USF3: variants seen among roughly 807,000 people sequenced by gnomAD.
USF3 encodes the protein upstream transcription factor family member 3.
In USF3, 29 loss-of-function variants were observed where a neutral mutation model predicts 157.5. That is an observed-to-expected ratio of 0.18 (90% CI 0.14 to 0.25). The LOEUF is 0.25. Among genes scored for constraint, USF3 ranks in the 10% least tolerant of loss-of-function variants. The pLI, the probability that USF3 is intolerant of heterozygous loss-of-function variation, is 1.00. For missense variants in USF3, 2,381 were observed against 2,667.6 expected (o/e 0.89, Z 2.37); for synonymous variants, 893 against 941.4 (o/e 0.95, Z 0.94).
At chr3:113,689,621 C>A (rs969951408) in intron 1 of USF3, among the ~76,000 whole-genome samples, 3 of 152,178 alleles carry the variant, frequency 2.0e-5, no homozygotes, top group Non-Finnish European at 4.4e-5. Flanking sequence ...GAATTTACTG[C>A]CTTTTCTGCC....
At chr3:113,688,122 CTTTTT>C (rs745486036) in intron 1 of USF3, among the ~76,000 whole-genome samples, 1 of 144,174 alleles carries the variant, frequency 6.9e-6, no homozygotes, top group South Asian at 2.2e-4. Context: ...CCCCCACTTT[CTTTTT>C]TTTTTTTTTG....
Position 113,652,108 on chromosome 3 carries a change from A to AGAGTGTGTGTGTGTGTGTGTGTGTGTGT in USF3, c.*2835_*2836insACACACACACACACACACACACACACTC, listed in dbSNP as rs1266464109. 1.4e-5 allele frequency: 2 copies of AGAGTGTGTGTGTGTGTGTGTGTGTGTGT among 141,976 alleles called. No individual in the cohort carries two copies. Among genetic ancestry groups the AGAGTGTGTGTGTGTGTGTGTGTGTGTGT allele is most frequent in the African/African-American group, 2.6e-5 (1 of 38,274 alleles). The allele number at this position is 141,976 out of a possible 1,614,324, so 8.8% of individuals were successfully genotyped here. On this transcript the variant is annotated 3_prime_UTR_variant, in exon 7 of 7. Coordinates refer to ENST00000316407, the MANE Select transcript of USF3 (RefSeq NM_001009899.4). ...TGGAGAGAGAGAGAGAGAGAGAGAG[A>AGAGTGTGTGTGTGTGTGTGTGTGTGTGT]GTGTGTGTGTGTGTGTGTGTGTGTG...
intron 4 of USF3, among the ~76,000 whole-genome samples, chr3:113,672,757 T>C (rs1413753075): frequency 1.3e-5 from 2 of 152,226 alleles, no homozygotes; most frequent in Non-Finnish European, 2.9e-5. Context: ...CCAAGGGTCC[T>C]TTCCTTAGAC....
At chr3:113,669,167 C>T (rs1707083269) in intron 5 of USF3, among the ~76,000 whole-genome samples, 1 of 151,948 alleles carries the variant, frequency 6.6e-6, no homozygotes, top group Non-Finnish European at 1.5e-5. Flanking sequence ...AACTGAATAC[C>T]AATTTAACCA....
chr3:113,670,907 AT>A (rs906014649), intron 4 of USF3, among the ~76,000 whole-genome samples: 4 of 150,124 alleles, frequency 2.7e-5, no homozygotes, highest in African/African-American at 7.4e-5. Flanking sequence ...ATGCCCAACT[AT>A]TTTTTTTTGT....
chr3:113,658,890 A>G lies in USF3; in HGVS notation c.2792T>C (p.Leu931Ser). 3.7e-6 allele frequency: 6 copies of G among 1,614,200 alleles called. No homozygotes were observed. The highest frequency in any genetic ancestry group is 5.1e-6 in the Non-Finnish European group (6 of 1,180,024). Residue 931 changes from leucine to serine, a missense_variant, in exon 7 of 7, where the codon TTA becomes TCA. Around this residue, in one of 6 missense-constraint regions of USF3, gnomAD observed 1,435 missense variants for 1,550.9 expected, o/e 0.93. Transcript: ENST00000316407. ...AGCGCAGGGTTTGGCAGCATCTGAT[A>G]ATGCTAAACTACTTGGTGGTTTATC... is the stretch of plus-strand genomic sequence containing the variant. ...SQDKPPSSLA[L>S]SDAAKPCASA... is the part of the protein sequence containing the mutation.
rs139968796 is a variant in USF3, at chr3:113,687,543, ATCTG to A, written c.-135+8823_-135+8826del. Among the ~76,000 whole-genome samples the A allele has an allele frequency of 4.4e-3, 675 of 152,338 alleles. 4 individuals are homozygous for A. The highest frequency in any genetic ancestry group is 0.015 in the African/African-American group (642 of 41,574). ...CAGATCTACATTTGCCTCTGTATCTATCTGTATTTATATTAAAATAAGCATGAGT... is the reference window on the plus strand; with the variant it reads ...CAGATCTACATTTGCCTCTGTATCTATATTTATATTAAAATAAGCATGAGT... On this transcript the variant is annotated intron_variant, in intron 1 of 6. Coordinates refer to ENST00000316407, the MANE Select transcript of USF3 (RefSeq NM_001009899.4).
chr3:113,691,117 A>G (rs1707672158), intron 1 of USF3, among the ~76,000 whole-genome samples: 1 of 152,226 alleles, frequency 6.6e-6, no homozygotes, highest in Non-Finnish European at 1.5e-5. Context: ...TGAGCCCAGG[A>G]GGCGAAGGTT....
intron 6 of USF3, among the ~76,000 whole-genome samples, chr3:113,662,991 G>A (rs1390104811): frequency 6.6e-6 from 1 of 150,972 alleles, no homozygotes; most frequent in Non-Finnish European, 1.5e-5. Context: ...TACTGAGTGA[G>A]TAAATGAAGC....
chr3:113,690,721 C>A (rs552695427), intron 1 of USF3, among the ~76,000 whole-genome samples: 5 of 152,260 alleles, frequency 3.3e-5, no homozygotes, highest in African/African-American at 9.6e-5. Flanking sequence ...AAGTCCGGTG[C>A]AAGTCTATCC....
In USF3 at chr3:113,652,780, A is replaced by AC. The variant is rs1042159623; in HGVS notation, c.*2163dup. ...AGACCAGCCTGGCCAAGATGGTGAA[A>AC]CCCCGTCTCTACTAAAAATATAAAA... On this transcript the variant is annotated 3_prime_UTR_variant, in exon 7 of 7. Transcript: ENST00000316407. 1.2e-5 allele frequency: 2 copies of AC among 161,370 alleles called. No homozygotes were observed. Among genetic ancestry groups the AC allele is most frequent in the African/African-American group, 4.8e-5 (2 of 41,462 alleles). The allele number at this position is 161,370 out of a possible 1,614,324, so 10.0% of individuals were successfully genotyped here.
At chr3:113,661,540 T>A in intron 6 of USF3, 115 bp from the exon 7 acceptor site, 1 of 577,302 alleles carries the variant, frequency 1.7e-6, no homozygotes, top group East Asian at 3.1e-5. Context: ...TCTAAGTACT[T>A]CAACCGAGAC....
rs1384656515 is a variant in USF3, at chr3:113,652,529, C to A, written c.*2415G>T. ...CCCTAGGAAGCTGCTTAGTTGGCAG[C>A]AGAAAAGAGACAGGACAGTTTGGTA... On this transcript the variant is annotated 3_prime_UTR_variant, in exon 7 of 7. Transcript: ENST00000316407. 6.7e-6 allele frequency: 1 copy of A among 150,120 alleles called. No homozygotes were observed. Among genetic ancestry groups the A allele is most frequent in the Non-Finnish European group, 1.5e-5 (1 of 67,916 alleles). The allele number at this position is 150,120 out of a possible 1,614,324, so 9.3% of individuals were successfully genotyped here.
At chr3:113,672,147 CT>C (rs1208088407) in intron 4 of USF3, among the ~76,000 whole-genome samples, 89 of 133,640 alleles carry the variant, frequency 6.7e-4, no homozygotes, top group Non-Finnish European at 6.9e-4. Flanking sequence ...TTTTTTTTTT[CT>C]TTTTTTTTTT....
intron 1 of USF3, among the ~76,000 whole-genome samples, chr3:113,691,226 A>C (rs1226593750): frequency 6.6e-6 from 1 of 152,166 alleles, no homozygotes; most frequent in Admixed American, 6.5e-5. Flanking sequence ...AACTTTTTCC[A>C]TGTAAAAACC....
At chr3:113,674,791 A>T in intron 3 of USF3, 41 bp downstream of exon 3, 3 of 1,558,284 alleles carry the variant, frequency 1.9e-6, no homozygotes, top group Non-Finnish European at 2.7e-6. Context: ...TCTGCTTCTT[A>T]TCTGCCCAAA....
chr3:113,649,751 T>C lies in USF3; in HGVS notation c.*5193A>G. 2.9e-6 allele frequency: 2 copies of C among 697,426 alleles called. No individual in the cohort carries two copies. Among genetic ancestry groups the C allele is most frequent in the South Asian group, 1.5e-5 (1 of 66,502 alleles). The allele number at this position is 697,426 out of a possible 1,614,324, so 43.2% of individuals were successfully genotyped here. A position where few individuals can be genotyped will look rare whatever the true frequency, so the allele number is the denominator to read the frequency against. On this transcript the variant is annotated 3_prime_UTR_variant, in exon 7 of 7. Transcript: ENST00000316407. ...AGGGTAGAGGCTACAGGTGGAAAGA[T>C]CTAGAAGCTCTGTGTCCAACAAGGT...
rs915375199 is a variant in USF3, at chr3:113,648,987, T to C, written c.*5957A>G. Reference sequence around the variant, plus strand: ...CAGCATCTTAACACTATCTGGTCCCTTTCTTCTTGGAAGATCAATAGTTCA... The same window carrying C: ...CAGCATCTTAACACTATCTGGTCCCCTTCTTCTTGGAAGATCAATAGTTCA... On this transcript the variant is annotated 3_prime_UTR_variant, in exon 7 of 7. Transcript: ENST00000316407. The C allele has an allele frequency of 6.6e-6, 1 of 152,566 alleles. No homozygotes were observed. Among genetic ancestry groups the C allele is most frequent in the Non-Finnish European group, 1.5e-5 (1 of 68,034 alleles). 9.5% of individuals were successfully genotyped at this position (152,566 alleles called of 1,614,324 possible). A position where few individuals can be genotyped will look rare whatever the true frequency, so the allele number is the denominator to read the frequency against.
At chr3:113,682,291 C>G (rs920710969) in intron 1 of USF3, among the ~76,000 whole-genome samples, 1 of 151,918 alleles carries the variant, frequency 6.6e-6, no homozygotes, top group African/African-American at 2.4e-5. Context: ...TGCCACCGCA[C>G]TTCAGCTTGG....
Sources: allele counts gnomAD v4.1 joint callset (sites outside exome capture counted in the v4.1 genomes callset), GRCh38; gene constraint gnomAD v4.1.1; regional missense constraint gnomAD v4.1.1; transcripts MANE v1.5; gene names NCBI Gene and HGNC (gene_info 2026-07-23, HGNC 2026-07-21).